The following BCAR3 variants were observed in gnomAD, a reference collection of about 807,000 sequenced individuals.
BCAR3 encodes BCAR3 adaptor protein, NSP family member, also known as breast cancer anti-estrogen resistance protein 3.
In BCAR3, 37 loss-of-function variants were observed where a neutral mutation model predicts 80.1. The observed-to-expected ratio is 0.46, with a 90% confidence interval of 0.36 to 0.61. BCAR3 has a LOEUF of 0.61. BCAR3 is among the 20% of genes least tolerant of loss of function. BCAR3 has a pLI of 0.00. For missense variants in BCAR3, 978 were observed against 1,068.2 expected (o/e 0.92, Z 1.18); for synonymous variants, 389 against 418.9 (o/e 0.93, Z 0.87).
At chr1:93,619,100 ATTTTTTTTT>A (rs34715455) in intron 3 of BCAR3, among the ~76,000 whole-genome samples, 12 of 126,724 alleles carry the variant, frequency 9.5e-5, no homozygotes, top group Non-Finnish European at 1.8e-4. Flanking sequence ...CACCACGCCA[ATTTTTTTTT>A]TTTTTTTTTT....
chr1:93,640,070 C>T (rs926631600), intron 3 of BCAR3, among the ~76,000 whole-genome samples: 11 of 152,204 alleles, frequency 7.2e-5, no homozygotes, highest in Non-Finnish European at 1.3e-4. Context: ...AGTGCACAAG[C>T]GGATTGTAGA....
intron 3 of BCAR3, among the ~76,000 whole-genome samples, chr1:93,640,014 A>G (rs1156698451): frequency 6.6e-6 from 1 of 152,158 alleles, no homozygotes; most frequent in African/African-American, 2.4e-5. Flanking sequence ...TTATGACACA[A>G]CATAATTCAC....
intron 2 of BCAR3, among the ~76,000 whole-genome samples, chr1:93,738,243 C>T (rs1651052062): frequency 6.6e-6 from 1 of 152,206 alleles, no homozygotes; most frequent in Non-Finnish European, 1.5e-5. Context: ...CAATATTACT[C>T]ACCTCATAGT....
At chr1:93,580,377 G>A (rs1482079059) in intron 7 of BCAR3, among the ~76,000 whole-genome samples, 2 of 152,156 alleles carry the variant, frequency 1.3e-5, no homozygotes, top group Non-Finnish European at 2.9e-5. Context: ...CCAGGAACCA[G>A]CCTCTTTATA....
chr1:93,635,791 T>C (rs970244834), intron 3 of BCAR3, among the ~76,000 whole-genome samples: 6 of 152,240 alleles, frequency 3.9e-5, no homozygotes, highest in African/African-American at 7.2e-5. Context: ...TAAAATCTCA[T>C]GGAATGTACA....
intron 8 of BCAR3, among the ~76,000 whole-genome samples, chr1:93,575,268 G>A (rs1673408587): frequency 1.3e-5 from 2 of 152,196 alleles, no homozygotes; most frequent in Admixed American, 6.5e-5. Context: ...ACTAGGACAT[G>A]GGCTGGACAG....
In BCAR3 at chr1:93,582,498, C is replaced by T. The variant is rs772548512; in HGVS notation, c.1489G>A (p.Gly497Arg). 6.2e-7 allele frequency: 1 copy of T among 1,614,136 alleles called. No individual in the cohort carries two copies. The highest frequency in any genetic ancestry group is 8.5e-7 in the Non-Finnish European group (1 of 1,180,022). ...ACAAACTCGCCCTTGTCCCACTGCC[C>T]CTTCTCCATCTGAGCTGCCGCAGGT... ...WEPAAAQMEKGQWDKGEFVTP... is the reference protein window; with the variant it reads ...WEPAAAQMEKRQWDKGEFVTP... The change falls in exon 7 of 12, where the codon GGG (glycine) becomes AGG (arginine). Residue 497 changes from glycine (G) to arginine (R), a missense_variant. Physicochemically the swap from Gly to Arg is moderately radical, Grantham distance 125 (BLOSUM62 -2). Coordinates refer to ENST00000260502, the MANE Select transcript of BCAR3 (RefSeq NM_003567.4).
intron 8 of BCAR3, among the ~76,000 whole-genome samples, chr1:93,573,609 T>TTA (rs1673313886): frequency 7.0e-6 from 1 of 142,812 alleles, no homozygotes; most frequent in Non-Finnish European, 1.5e-5. Context: ...AAAATATATT[T>TTA]TTATTATTAT....
At position 93,600,111 on chromosome 1, in the gene BCAR3, C is replaced by T. The variant is rs543375785; in HGVS notation, c.358-7718G>A. Among the ~76,000 whole-genome samples the T allele has an allele frequency of 2.2e-3, 329 of 152,332 alleles. 1 individual carries two copies. The highest frequency in any genetic ancestry group is 3.5e-3 in the Non-Finnish European group (240 of 68,026). ...GTCTCTTTCAACTCCTCTCCCACCA[C>T]ACACACATATACACAGAATCAACGA... On this transcript the variant is annotated intron_variant, in intron 3 of 11. Coordinates refer to ENST00000260502, the MANE Select transcript of BCAR3 (RefSeq NM_003567.4).
chr1:93,845,502 A>ATATATATCTC, intron 2 of BCAR3: 1 of 113,822 alleles, frequency 8.8e-6, no homozygotes, highest in African/African-American at 3.5e-5. Context: ...ATATATATAT[A>ATATATATCTC]AAACTTTGTT....
At chr1:93,737,649 G>A (rs932517855) in intron 2 of BCAR3, among the ~76,000 whole-genome samples, 1 of 152,192 alleles carries the variant, frequency 6.6e-6, no homozygotes, top group African/African-American at 2.4e-5. Context: ...AAGCCACCCA[G>A]TCTGTGGTCA....
At chr1:93,800,050 T>C (rs1323370889) in intron 2 of BCAR3, among the ~76,000 whole-genome samples, 2 of 152,216 alleles carry the variant, frequency 1.3e-5, no homozygotes, top group African/African-American at 2.4e-5. Context: ...ATTTTCATGC[T>C]GGGAGGATGG....
Position 93,571,684 on chromosome 1 carries a change from G to C in BCAR3, c.1960C>G (p.Leu654Val). ...TGGAAATTTACCTGTGGCATTTCCA[G>C]GGCTTTCATGAGAGCTGAGAAGGAA... ...LYSFSALMKA[L>V]EMPQITRLEK... The change falls in exon 9 of 12, where the codon CTG becomes GTG. Residue 654 changes from leucine to valine, a missense_variant. Leu to Val is a conservative substitution (Grantham distance 32, BLOSUM62 1). Coordinates refer to ENST00000260502, the MANE Select transcript of BCAR3 (RefSeq NM_003567.4). The C allele has an allele frequency of 1.2e-6, 2 of 1,614,120 alleles. No individual in the cohort carries two copies. The highest frequency in any genetic ancestry group is 1.7e-6 in the Non-Finnish European group (2 of 1,180,016).
chr1:93,764,643 G>A (rs1454840813), intron 2 of BCAR3, among the ~76,000 whole-genome samples: 2 of 152,104 alleles, frequency 1.3e-5, no homozygotes, highest in African/African-American at 2.4e-5. Context: ...AGGAGACCTG[G>A]CTCCCCATGA....
intron 2 of BCAR3, chr1:93,775,264 A>G (rs1408045390): frequency 6.6e-6 from 1 of 152,160 alleles, no homozygotes; most frequent in Non-Finnish European, 1.5e-5. Flanking sequence ...GGGGCATCAT[A>G]TAAGAGGGGA....
intron 8 of BCAR3, among the ~76,000 whole-genome samples, chr1:93,573,615 A>ATTTGTTTT (rs919862286): frequency 2.7e-4 from 35 of 129,766 alleles, no homozygotes; most frequent in Non-Finnish European, 3.7e-4. Flanking sequence ...TATTTTTATT[A>ATTTGTTTT]TTATTATTAT....
chr1:93,643,473 G>A (rs1381745507), intron 2 of BCAR3, among the ~76,000 whole-genome samples: 1 of 145,894 alleles, frequency 6.9e-6, no homozygotes, highest in East Asian at 2.0e-4. Flanking sequence ...TTGAACCCAG[G>A]AGGCGGAGGT....
chr1:93,588,678 C>G (rs561230484), intron 5 of BCAR3, among the ~76,000 whole-genome samples: 37 of 151,716 alleles, frequency 2.4e-4, no homozygotes, highest in African/African-American at 8.5e-4. Context: ...ACACCCCCAG[C>G]CCTTTGCAGC....
At chr1:93,749,872 A>C (rs891250429) in intron 2 of BCAR3, among the ~76,000 whole-genome samples, 1 of 151,292 alleles carries the variant, frequency 6.6e-6, no homozygotes, top group Non-Finnish European at 1.5e-5. Flanking sequence ...TAATTTGCTT[A>C]AAGATGATCT....
Sources: allele counts gnomAD v4.1 joint callset (sites outside exome capture counted in the v4.1 genomes callset), GRCh38; gene constraint gnomAD v4.1.1; transcripts MANE v1.5; gene names NCBI Gene and HGNC (gene_info 2026-07-23, HGNC 2026-07-21).